Variants in SPOCK3 observed in about 807,000 individuals in gnomAD.
The protein encoded by SPOCK3 is testican-3.
SPOCK3 carries 30 observed loss-of-function variants against 56.6 expected under a neutral mutation model. The observed-to-expected ratio is 0.53, with a 90% CI of 0.40 to 0.72. The LOEUF (loss-of-function observed/expected upper bound fraction) is 0.72, where lower values mean the gene tolerates loss of function less well. Among genes scored for constraint, SPOCK3 ranks in the 30% least tolerant of loss-of-function variants. SPOCK3 has a pLI of 0.00. For missense variants in SPOCK3, 527 were observed against 530.0 expected, an observed-to-expected ratio of 0.99 and a Z score of 0.06; for synonymous variants, 196 against 183.3, an observed-to-expected ratio of 1.07 and a Z score of -0.56.
chr4:166,962,028 C>T (rs1007126294), intron 4 of SPOCK3, among the ~76,000 whole-genome samples: 31 of 152,082 alleles, frequency 2.0e-4, no homozygotes, highest in Admixed American at 1.8e-3. Context: ...AGCTTGGATT[C>T]CCTGCTGTCC....
intron 2 of SPOCK3, among the ~76,000 whole-genome samples, chr4:167,064,939 A>C (rs1296513070): frequency 6.7e-6 from 1 of 149,456 alleles, no homozygotes; most frequent in Non-Finnish European, 1.5e-5. Context: ...CACCACGGAC[A>C]AGCTGTCATT....
chr4:167,062,152 G>T (rs1014186879), intron 3 of SPOCK3, among the ~76,000 whole-genome samples: 3 of 151,754 alleles, frequency 2.0e-5, no homozygotes, highest in African/African-American at 7.2e-5. Flanking sequence ...TTAAAAGTTT[G>T]TACAAATAAA....
chr4:167,065,639 G>T (rs1756052875), intron 2 of SPOCK3, among the ~76,000 whole-genome samples: 1 of 151,734 alleles, frequency 6.6e-6, no homozygotes, highest in Middle Eastern at 3.2e-3. Context: ...TATTCTTTGT[G>T]TTCTCACATC....
At chr4:166,743,870 G>A (rs772167344) in intron 8 of SPOCK3, among the ~76,000 whole-genome samples, 12 of 152,154 alleles carry the variant, frequency 7.9e-5, no homozygotes, top group Admixed American at 5.2e-4. Context: ...CACAGCAGTC[G>A]GAGATCCAAC....
intron 6 of SPOCK3, among the ~76,000 whole-genome samples, chr4:166,823,838 C>T (rs1411588762): frequency 1.3e-5 from 2 of 152,038 alleles, no homozygotes; most frequent in Non-Finnish European, 2.9e-5. Flanking sequence ...AGCCCACTGG[C>T]ACCACACTCA....
intron 2 of SPOCK3, among the ~76,000 whole-genome samples, chr4:167,133,700 T>C (rs373227303): frequency 6.6e-6 from 1 of 152,194 alleles, no homozygotes; most frequent in Admixed American, 6.5e-5. Context: ...TTGTTTTGTT[T>C]TCCCTTGGCT....
intron 4 of SPOCK3, among the ~76,000 whole-genome samples, chr4:166,947,867 G>A (rs903393514): frequency 5.3e-5 from 8 of 151,936 alleles, no homozygotes; most frequent in African/African-American, 1.5e-4. Context: ...TTTTGTTTTC[G>A]TGGTGAGAAC....
intron 2 of SPOCK3, among the ~76,000 whole-genome samples, chr4:167,137,475 T>G (rs1763216714): frequency 1.3e-5 from 2 of 152,118 alleles, no homozygotes; most frequent in East Asian, 1.9e-4. Context: ...ATTTAAAAAT[T>G]GAAAACCCTA....
Position 167,126,764 on chromosome 4 carries a change from A to G in SPOCK3, c.190-64227T>C, listed in dbSNP as rs186643535. On this transcript the variant is annotated intron_variant, in intron 2 of 10. Transcript: ENST00000357545. ...AACTTATCCTTTTAGAAAACCACAT[A>G]CGCAGTAACACCAGCAAAATCTGTT... Among the ~76,000 whole-genome samples the G allele has an allele frequency of 3.4e-3, 519 of 152,240 alleles. 1 individual carries two copies. The highest frequency in any genetic ancestry group is 5.9e-3 in the Non-Finnish European group (401 of 68,008).
intron 6 of SPOCK3, among the ~76,000 whole-genome samples, chr4:166,813,805 G>T (rs934658935): frequency 6.6e-6 from 1 of 151,896 alleles, no homozygotes; most frequent in African/African-American, 2.4e-5. Flanking sequence ...ATGAAAAAAA[G>T]TAAAACATAA....
At chr4:167,117,788 A>G (rs1761554150) in intron 2 of SPOCK3, among the ~76,000 whole-genome samples, 1 of 152,206 alleles carries the variant, frequency 6.6e-6, no homozygotes, top group South Asian at 2.1e-4. Flanking sequence ...GTCAATGCAC[A>G]CATTCCAGGG....
intron 7 of SPOCK3, among the ~76,000 whole-genome samples, chr4:166,784,647 G>A (rs1041025955): frequency 4.6e-5 from 7 of 152,048 alleles, no homozygotes; most frequent in Admixed American, 6.6e-5. Context: ...GCATTAAAAT[G>A]TGGCATTGTT....
intron 4 of SPOCK3, among the ~76,000 whole-genome samples, chr4:166,921,633 G>A (rs1738501125): frequency 6.6e-6 from 1 of 151,960 alleles, no homozygotes; most frequent in Non-Finnish European, 1.5e-5. Flanking sequence ...ACTCTTTATT[G>A]GTATAACCAG....
intron 4 of SPOCK3, among the ~76,000 whole-genome samples, chr4:166,929,637 C>T (rs1015821941): frequency 2.6e-5 from 4 of 152,088 alleles, no homozygotes; most frequent in Admixed American, 2.0e-4. Flanking sequence ...TCAAGAACCC[C>T]TTCTCCACTA....
At chr4:166,938,666 A>G (rs1380281337) in intron 4 of SPOCK3, among the ~76,000 whole-genome samples, 2 of 152,078 alleles carry the variant, frequency 1.3e-5, no homozygotes, top group South Asian at 2.1e-4. Context: ...CAGGAAAAAA[A>G]GAGAAGGAAA....
intron 4 of SPOCK3, among the ~76,000 whole-genome samples, chr4:166,975,358 T>G (rs540542435): frequency 4.3e-4 from 65 of 152,168 alleles, no homozygotes; most frequent in Non-Finnish European, 7.6e-4. Flanking sequence ...TAAAAAATTT[T>G]TAATGTTTAA....
intron 2 of SPOCK3, among the ~76,000 whole-genome samples, chr4:167,072,507 C>A (rs1178242949): frequency 6.6e-6 from 1 of 151,804 alleles, no homozygotes; most frequent in Non-Finnish European, 1.5e-5. Context: ...AATGAGAAAG[C>A]AATATTTAAT....
chr4:166,879,271 G>A (rs562877822), intron 6 of SPOCK3, among the ~76,000 whole-genome samples: 8 of 152,106 alleles, frequency 5.3e-5, no homozygotes, highest in Non-Finnish European at 1.2e-4. Flanking sequence ...GCTCATGCCT[G>A]TAATCCCAGC....
intron 3 of SPOCK3, among the ~76,000 whole-genome samples, chr4:167,000,928 T>C (rs1748889476): frequency 6.6e-6 from 1 of 152,176 alleles, no homozygotes; most frequent in Non-Finnish European, 1.5e-5. Flanking sequence ...TCTTTGGCTA[T>C]CCAAAAATAG....
Sources: gnomAD v4.1 joint callset for allele counts (sites outside exome capture counted in the v4.1 genomes callset) on GRCh38, gnomAD v4.1.1 for gene constraint, MANE v1.5 for transcripts, NCBI Gene and HGNC (gene_info 2026-07-23, HGNC 2026-07-21) for gene names.